Variants in RTF1 observed in about 807,000 individuals in gnomAD.
RTF1 encodes RNA polymerase-associated protein RTF1 homolog.
In RTF1, 10 loss-of-function variants were observed where a neutral mutation model predicts 95.7. The ratio of observed to expected loss-of-function variants is 0.10; its 90% confidence interval spans 0.06 to 0.18. The LOEUF is 0.18. Ranked by LOEUF, RTF1 falls within the 10% of genes least tolerant of loss-of-function variation. The pLI, the probability that RTF1 is intolerant of heterozygous loss-of-function variation, is 1.00. For missense variants in RTF1, 458 were observed against 875.6 expected (o/e 0.52, Z 6.02); for synonymous variants, 305 against 311.8 (o/e 0.98, Z 0.23).
At chr15:41,457,065 C>T (rs1285059275) in intron 3 of RTF1, among the ~76,000 whole-genome samples, 2 of 149,832 alleles carry the variant, frequency 1.3e-5, no homozygotes, top group Admixed American at 1.3e-4. Flanking sequence ...CAGCCTGGGG[C>T]AGAGTGAGAC....
At chr15:41,479,999 C>G (rs1429672519) in intron 16 of RTF1, among the ~76,000 whole-genome samples, 1 of 152,126 alleles carries the variant, frequency 6.6e-6, no homozygotes, top group Non-Finnish European at 1.5e-5. Flanking sequence ...ACACTCATAC[C>G]ACAGACACAA....
chr15:41,473,502 C>T (rs540828348), intron 8 of RTF1, among the ~76,000 whole-genome samples: 28 of 151,518 alleles, frequency 1.8e-4, no homozygotes, highest in African/African-American at 6.5e-4. Flanking sequence ...TCCGGAACTC[C>T]TGGACTCAAG....
chr15:41,476,359 C>T, intron 11 of RTF1, 87 bp from the exon 12 acceptor site: 1 of 994,284 alleles, frequency 1.0e-6, no homozygotes, highest in Non-Finnish European at 1.6e-6. Context: ...TTGTAACTAG[C>T]TGTTTGCATC....
In RTF1 at chr15:41,481,852, G is replaced by A. The variant is rs183055493; in HGVS notation, c.*1165G>A. On this transcript the variant is annotated 3_prime_UTR_variant, in exon 18 of 18. Transcript: ENST00000389629. ...CCCAGCACTTTGGGAGGCCTAGGCG[G>A]GTGGATCACCTGAGGTCAGGAGTTC... is the stretch of plus-strand genomic sequence containing the variant. 19 of 152,430 alleles carry A rather than the reference G, an allele frequency of 1.2e-4. No homozygotes were observed. The highest frequency in any genetic ancestry group is 4.6e-4 in the African/African-American group (19 of 41,564). The allele number at this position is 152,430 out of a possible 1,614,324, so 9.4% of individuals were successfully genotyped here. A position where few individuals can be genotyped will look rare whatever the true frequency, so the allele number is the denominator to read the frequency against.
chr15:41,450,570 G>A (rs555390128), intron 2 of RTF1, among the ~76,000 whole-genome samples: 114 of 149,802 alleles, frequency 7.6e-4, no homozygotes, highest in African/African-American at 2.7e-3. Context: ...GGACGACAGA[G>A]TGAGACTCCG....
intron 1 of RTF1, among the ~76,000 whole-genome samples, chr15:41,435,158 A>G (rs1052413840): frequency 1.3e-5 from 2 of 152,082 alleles, no homozygotes; most frequent in Admixed American, 6.6e-5. Context: ...GTTATAATCA[A>G]TTGGTATCAA....
intron 2 of RTF1, among the ~76,000 whole-genome samples, chr15:41,444,380 G>A (rs938273748): frequency 6.6e-6 from 1 of 151,342 alleles, no homozygotes; most frequent in Non-Finnish European, 1.5e-5. Context: ...TGCAACCTCC[G>A]CCTCCTGGGC....
intron 1 of RTF1, among the ~76,000 whole-genome samples, chr15:41,432,930 C>G (rs796168350): frequency 1.3e-5 from 2 of 149,248 alleles, no homozygotes; most frequent in African/African-American, 4.9e-5. Context: ...AAGAGTGAAA[C>G]TCCGTCTCAC....
intron 1 of RTF1, among the ~76,000 whole-genome samples, chr15:41,435,041 A>T (rs1595427181): frequency 6.7e-6 from 1 of 150,318 alleles, no homozygotes; most frequent in African/African-American, 2.4e-5. Flanking sequence ...GCTCACTGCA[A>T]CCTCTGCCTC....
chr15:41,469,072 G>C (rs529624536), intron 6 of RTF1, among the ~76,000 whole-genome samples: 15 of 151,850 alleles, frequency 9.9e-5, no homozygotes, highest in Non-Finnish European at 2.1e-4. Flanking sequence ...GGGTTCAAGC[G>C]ATTCTCCCAC....
At position 41,474,600 on chromosome 15, in the gene RTF1, GTC is replaced by G. The variant is rs767136437; in HGVS notation, c.1204-16_1204-15del. 138 of 1,588,688 alleles carry G rather than the reference GTC, an allele frequency of 8.7e-5. No homozygotes were observed. The highest frequency in any genetic ancestry group is 9.9e-5 in the Non-Finnish European group (114 of 1,156,818). ...CCGGAAGAGTCTGGTTTTGACTGGC[GTC>G]TCTGTCCTCTCACTTAGGTCGCTGA... On this transcript the variant is annotated intron_variant, in intron 8 of 17. Coordinates refer to ENST00000389629, the MANE Select transcript of RTF1 (RefSeq NM_015138.5).
chr15:41,480,101 A>G, intron 16 of RTF1, 113 bp from the exon 17 acceptor site: 1 of 675,790 alleles, frequency 1.5e-6, no homozygotes, highest in South Asian at 1.8e-5. Flanking sequence ...AAGGGGCCTT[A>G]GTAGGAAAAT....
At chr15:41,459,138 T>G (rs961113874) in intron 4 of RTF1, among the ~76,000 whole-genome samples, 1 of 152,024 alleles carries the variant, frequency 6.6e-6, no homozygotes, top group Non-Finnish European at 1.5e-5. Context: ...CCCAGCACTT[T>G]GGGAGGCTGA....
At chr15:41,436,011 C>T (rs1004634461) in intron 1 of RTF1, among the ~76,000 whole-genome samples, 1 of 152,070 alleles carries the variant, frequency 6.6e-6, no homozygotes, top group African/African-American at 2.4e-5. Flanking sequence ...GTTACTTAAA[C>T]TCCTTAGTTT....
chr15:41,432,548 T>C (rs1458551772), intron 1 of RTF1, among the ~76,000 whole-genome samples: 2 of 152,084 alleles, frequency 1.3e-5, no homozygotes, highest in Admixed American at 6.6e-5. Context: ...GCAGTACTAA[T>C]GTCTTAACAC....
chr15:41,441,515 C>G (rs1382791096), intron 2 of RTF1, among the ~76,000 whole-genome samples: 1 of 152,134 alleles, frequency 6.6e-6, no homozygotes, highest in African/African-American at 2.4e-5. Flanking sequence ...GCAGTTAGTA[C>G]TGAGATTCCC....
chr15:41,437,266 C>T (rs1183812354), intron 1 of RTF1, among the ~76,000 whole-genome samples: 1 of 150,892 alleles, frequency 6.6e-6, no homozygotes, highest in African/African-American at 2.4e-5. Context: ...GATGCCAAGG[C>T]GGGCGGATCA....
chr15:41,420,616 C>T (rs1040780945), intron 1 of RTF1, among the ~76,000 whole-genome samples: 3 of 152,014 alleles, frequency 2.0e-5, no homozygotes, highest in Non-Finnish European at 2.9e-5. Context: ...GAATGCAGTT[C>T]GTAAGGAGGC....
intron 3 of RTF1, among the ~76,000 whole-genome samples, chr15:41,454,712 C>G (rs1317544070): frequency 6.6e-6 from 1 of 152,162 alleles, no homozygotes. Flanking sequence ...TTGAAAAGGA[C>G]ACAATCACTT....
Sources: gnomAD v4.1 joint callset for allele counts (sites outside exome capture counted in the v4.1 genomes callset) on GRCh38, gnomAD v4.1.1 for gene constraint, MANE v1.5 for transcripts, NCBI Gene and HGNC (gene_info 2026-07-23, HGNC 2026-07-21) for gene names.